Variants in LAX1 observed in about 807,000 individuals in gnomAD.
LAX1 encodes lymphocyte transmembrane adapter 1.
In LAX1, 17 loss-of-function variants were observed where a neutral mutation model predicts 20.7. The ratio of observed to expected loss-of-function variants is 0.82; its 90% CI spans 0.56 to 1.23. LAX1 has a LOEUF of 1.23. Ranked by LOEUF, LAX1 falls within the 50% of genes most tolerant of loss-of-function variation. The probability of loss-of-function intolerance (pLI) is 0.00; values close to 1 mark genes in which losing one functional copy is unlikely to be tolerated. For missense variants in LAX1, 470 were observed against 487.0 expected, an observed-to-expected ratio of 0.97 and a Z score of 0.33; for synonymous variants, 165 against 181.0, an observed-to-expected ratio of 0.91 and a Z score of 0.71.
chr1:203,770,506 GAAGGAAGA>G lies in LAX1; in HGVS notation c.90-318_90-311del, dbSNP rs1241856782. On this transcript the variant is annotated intron_variant, in intron 1 of 4. Coordinates refer to ENST00000442561, the MANE Select transcript of LAX1 (RefSeq NM_017773.4). ...GGAAGGAAGGAAGGAAGGAAGGAAG[GAAGGAAGA>G]AAGAAAGAAAGAAAGAAAGAAAGAA... 2.7e-3 allele frequency among the ~76,000 whole-genome samples: 66 copies of G among 24,092 alleles called. 1 individual carries two copies. Among genetic ancestry groups the G allele is most frequent in the South Asian group, 0.011 (6 of 556 alleles). The allele number at this position is 24,092 out of a possible 152,430, so 15.8% of individuals were successfully genotyped here.
intron 1 of LAX1, among the ~76,000 whole-genome samples, chr1:203,769,131 G>C (rs979098064): frequency 6.6e-6 from 1 of 152,026 alleles, no homozygotes; most frequent in South Asian, 2.1e-4. Flanking sequence ...GCTCACACCT[G>C]TAATCCCAGC....
At position 203,771,408 on chromosome 1, in the gene LAX1, A is replaced by T. The variant is rs1438013384; in HGVS notation, c.241A>T (p.Thr81Ser). Reference sequence around the variant, plus strand: ...CCGAGTTACCGTCATGCCCTTGCTGACTTTGCCACAAACCAGACAAAGAGC... The same window carrying T: ...CCGAGTTACCGTCATGCCCTTGCTGTCTTTGCCACAAACCAGACAAAGAGC... ...YLRVTVMPLL[T>S]LPQTRQRAKN... Residue 81 changes from threonine (T) to serine (S), a missense_variant, in exon 3 of 5, where the codon ACT becomes TCT. Thr to Ser is a moderately conservative substitution (Grantham distance 58). Transcript: ENST00000442561. 1 of 1,613,950 alleles carries T rather than the reference A, an allele frequency of 6.2e-7. No homozygotes were observed. Among genetic ancestry groups the T allele is most frequent in the Non-Finnish European group, 8.5e-7 (1 of 1,179,882 alleles).
Position 203,773,893 on chromosome 1 carries a change from G to T in LAX1, c.409G>T (p.Ala137Ser), listed in dbSNP as rs1295595907. 3 of 1,605,148 alleles carry T rather than the reference G, an allele frequency of 1.9e-6. No individual in the cohort carries two copies. In the Admixed American group the frequency reaches 5.1e-5, roughly 27 times the overall value. The change falls in exon 5 of 5, where the codon GCC (alanine) becomes TCC (serine). Residue 137 changes from alanine (A) to serine (S), a missense_variant. Ala to Ser is a moderately conservative substitution (Grantham distance 99, BLOSUM62 1). Coordinates refer to ENST00000442561, the MANE Select transcript of LAX1 (RefSeq NM_017773.4). Reference protein sequence around the residue: ...PEHVPSQAGNAFQEHTAHIHA... With the variant: ...PEHVPSQAGNSFQEHTAHIHA... ...TTCATAGCCCTCCCAAGCAGGCAAT[G>T]CCTTCCAGGAGCATACAGCCCACAT...
At chr1:203,765,690 T>C in intron 1 of LAX1, 36 bp downstream of exon 1, 1 of 1,600,084 alleles carries the variant, frequency 6.2e-7, no homozygotes, top group East Asian at 2.2e-5. Context: ...CACCCTGCCC[T>C]GATTTAGGCA....
At chr1:203,771,993 C>G in intron 3 of LAX1, 75 bp from the exon 4 acceptor site, 3 of 1,198,460 alleles carry the variant, frequency 2.5e-6, no homozygotes, top group Non-Finnish European at 3.7e-6. Context: ...CCGCTTCATC[C>G]ATGATGCAGG....
chr1:203,771,275 A>G, intron 2 of LAX1, 92 bp from the exon 3 acceptor site: 1 of 837,830 alleles, frequency 1.2e-6, no homozygotes, highest in South Asian at 1.3e-5. Flanking sequence ...AAGGATGGGG[A>G]GCATTTTCAG....
chr1:203,769,455 A>AAGAAAGAAAGAAAGGAAGAAAGG (rs1191127943), intron 1 of LAX1, among the ~76,000 whole-genome samples: 12 of 66,412 alleles, frequency 1.8e-4, no homozygotes, highest in African/African-American at 5.6e-4. Context: ...GAAAGAAAGA[A>AAGAAAGAAAGAAAGGAAGAAAGG]AAGAAAAGAA....
At chr1:203,766,169 T>G (rs928457171) in intron 1 of LAX1, among the ~76,000 whole-genome samples, 4 of 152,158 alleles carry the variant, frequency 2.6e-5, no homozygotes, top group Admixed American at 6.5e-5. Flanking sequence ...CCATCCACAG[T>G]TGAAACTTTA....
At position 203,774,280 on chromosome 1, in the gene LAX1, AAT is replaced by A. The variant is rs751737758; in HGVS notation, c.797_798del (p.Asn266ArgfsTer29). 59 of 1,614,062 alleles carry A rather than the reference AAT, an allele frequency of 3.7e-5. No individual in the cohort carries two copies. Among genetic ancestry groups the A allele is most frequent in the Non-Finnish European group, 5.0e-5 (59 of 1,180,050 alleles). The stretch of plus-strand genomic sequence containing the variant: ...TGGAGAAGGTTCTTCTCAGATCTCA[AAT>A]GACTATGTCAACATGACAGGGTTGG... ...SNGEGSSQIS[N>X]DYVNMTGLDL... On this transcript the variant is annotated frameshift_variant, in exon 5 of 5. Transcript: ENST00000442561. LOFTEE classifies it low-confidence loss of function (END_TRUNC).
rs1277697948 is a variant in LAX1, at chr1:203,774,236, A to C, written c.752A>C (p.Asp251Ala). Residue 251 changes from aspartate (D) to alanine (A), a missense_variant, in exon 5 of 5, where the codon GAC (aspartate) becomes GCC (alanine). Asp to Ala is a moderately radical substitution (Grantham distance 126). Coordinates refer to ENST00000442561, the MANE Select transcript of LAX1 (RefSeq NM_017773.4). ...CTSLYSPGAE[D>A]SDSLSNGEGS... Reference sequence around the variant, plus strand: ...AGTTTGTATTCTCCAGGAGCTGAGGACAGTGATTCACTCAGCAATGGAGAA... The same window carrying C: ...AGTTTGTATTCTCCAGGAGCTGAGGCCAGTGATTCACTCAGCAATGGAGAA... 9 of 1,614,032 alleles carry C rather than the reference A, an allele frequency of 5.6e-6. No individual in the cohort carries two copies. Among genetic ancestry groups the C allele is most frequent in the Non-Finnish European group, 7.6e-6 (9 of 1,180,026 alleles).
chr1:203,768,721 T>C (rs2102264147), intron 1 of LAX1, among the ~76,000 whole-genome samples: 1 of 152,262 alleles, frequency 6.6e-6, no homozygotes, highest in East Asian at 1.9e-4. Context: ...TGATTTACCA[T>C]TTAGAATTAT....
chr1:203,773,998 C>T lies in LAX1; in HGVS notation c.514C>T (p.His172Tyr), dbSNP rs1299203910. The change falls in exon 5 of 5, where the codon CAC becomes TAC. Residue 172 changes from histidine (H) to tyrosine (Y), a missense_variant. Transcript: ENST00000442561. Reference protein sequence around the residue: ...QMCGNLTPSAHCINVRASRDC... With the variant: ...QMCGNLTPSAYCINVRASRDC... ...GTGTGGGAACCTCACTCCCTCGGCA[C>T]ACTGCATCAATGTCAGAGCTTCCAG... The T allele has an allele frequency of 5.0e-6, 8 of 1,613,956 alleles. No homozygotes were observed. The highest frequency in any genetic ancestry group is 2.2e-5 in the South Asian group (2 of 91,086).
chr1:203,770,796 A>C, intron 1 of LAX1, 32 bp from the exon 2 acceptor site: 4 of 1,520,186 alleles, frequency 2.6e-6, no homozygotes, highest in Non-Finnish European at 3.7e-6. Context: ...ACCCTCCTAC[A>C]GCTAGCACAT....
Position 203,771,463 on chromosome 1 carries a change from G to T in LAX1, c.296G>T (p.Arg99Leu). The change falls in exon 3 of 5, where the codon CGA (arginine) becomes CTA (leucine). Residue 99 changes from arginine (R) to leucine (L), a missense_variant. Arg to Leu is a moderately radical substitution (Grantham distance 102). Coordinates refer to ENST00000442561, the MANE Select transcript of LAX1 (RefSeq NM_017773.4). ...AATATTTATGACATCTTGCCTTGGC[G>T]ACAGGAAGACCTGGGTAGGTTTTTC... ...AKNIYDILPW[R>L]QEDLGRHESR... is the part of the protein sequence containing the mutation. The T allele has an allele frequency of 1.2e-6, 2 of 1,607,074 alleles. No homozygotes were observed. The highest frequency in any genetic ancestry group is 2.2e-5 in the East Asian group (1 of 44,828).
At position 203,771,474 on chromosome 1, in the gene LAX1, CTGGG is replaced by C; in HGVS notation, c.309_310+2del. ...CATCTTGCCTTGGCGACAGGAAGAC[CTGGG>C]TAGGTTTTTCCTTCTAATCTATGGA... On this transcript the variant is annotated splice_donor_variant and coding_sequence_variant, in exon 3 of 5. Coordinates refer to ENST00000442561, the MANE Select transcript of LAX1 (RefSeq NM_017773.4). LOFTEE classifies it high-confidence loss of function. 1 of 1,595,226 alleles carries C rather than the reference CTGGG, an allele frequency of 6.3e-7. No homozygotes were observed. Among genetic ancestry groups the C allele is most frequent in the Non-Finnish European group, 8.6e-7 (1 of 1,162,900 alleles).
In LAX1 at chr1:203,773,756, C is replaced by CTT. The variant is rs10714327; in HGVS notation, c.391-92_391-91dup. 103 of 200,682 alleles carry CTT rather than the reference C, an allele frequency of 5.1e-4. 9 individuals are homozygous for CTT. In the African/African-American group the frequency reaches 6.3e-3, roughly 12 times the overall value. 12.4% of individuals were successfully genotyped at this position (200,682 alleles called of 1,614,324 possible). The stretch of plus-strand genomic sequence containing the variant: ...TCATCACATTTGCACTGTTGCTCTT[C>CTT]TTTTTTTTTTTTTTTTTTTTTTTTT... On this transcript the variant is annotated intron_variant, in intron 4 of 4. Transcript: ENST00000442561.
chr1:203,773,478 T>G (rs1471001326), intron 4 of LAX1, among the ~76,000 whole-genome samples: 2 of 151,858 alleles, frequency 1.3e-5, no homozygotes, highest in African/African-American at 4.8e-5. Context: ...AAAACAAACT[T>G]ATGATGTAAA....
intron 1 of LAX1, among the ~76,000 whole-genome samples, chr1:203,770,489 G>GAAA (rs2102266509): frequency 1.6e-4 from 12 of 73,876 alleles, no homozygotes; most frequent in Non-Finnish European, 2.4e-4. Context: ...AAGGAAGGAA[G>GAAA]GAAGGAAGGA....
rs775290525 is a variant in LAX1 at position 203,774,399 on chromosome 1, C to T, written c.915C>T (p.Ser305=). ...ENVPAADPSG[S]QQQAEKDVPS... Reference sequence around the variant, plus strand: ...TTCCAGCAGCAGATCCCAGTGGAAGCCAGCAGCAGGCTGAGAAAGATGTGC... The same window carrying T: ...TTCCAGCAGCAGATCCCAGTGGAAGTCAGCAGCAGGCTGAGAAAGATGTGC... The change falls in exon 5 of 5, where the codon AGC becomes AGT. Residue 305 remains serine (S), a synonymous_variant. Coordinates refer to ENST00000442561, the MANE Select transcript of LAX1 (RefSeq NM_017773.4). 3 of 1,614,074 alleles carry T rather than the reference C, an allele frequency of 1.9e-6. No homozygotes were observed. Among genetic ancestry groups the T allele is most frequent in the Admixed American group, 3.3e-5 (2 of 60,004 alleles).
Sources: allele counts gnomAD v4.1 joint callset (sites outside exome capture counted in the v4.1 genomes callset), GRCh38; gene constraint gnomAD v4.1.1; transcripts MANE v1.5; gene names NCBI Gene and HGNC (gene_info 2026-07-23, HGNC 2026-07-21).